The following ZNF536 variants were observed in gnomAD, a reference collection of about 807,000 sequenced individuals.
ZNF536 encodes the protein zinc finger protein 536.
Under a neutral mutation model 84.5 loss-of-function variants are expected in ZNF536, and 13 were observed. The observed-to-expected ratio is 0.15, with a 90% CI of 0.10 to 0.24. The LOEUF is 0.24. Ranked by LOEUF, ZNF536 falls within the 10% of genes least tolerant of loss-of-function variation. The probability of loss-of-function intolerance (pLI) is 1.00; values close to 1 mark genes in which losing one functional copy is unlikely to be tolerated. For missense variants in ZNF536, 1,536 were observed against 1,747.5 expected, an observed-to-expected ratio of 0.88 and a Z score of 2.16; for synonymous variants, 811 against 742.5, an observed-to-expected ratio of 1.09 and a Z score of -1.50.
At chr19:30,431,077 G>A (rs1194757597) in intron 1 of ZNF536, among the ~76,000 whole-genome samples, 5 of 152,152 alleles carry the variant, frequency 3.3e-5, no homozygotes, top group Non-Finnish European at 7.3e-5. Context: ...TCCTGATCAC[G>A]GTTCGAAATT....
intron 1 of ZNF536, among the ~76,000 whole-genome samples, chr19:30,417,887 A>G: frequency 6.6e-6 from 1 of 152,052 alleles, no homozygotes; most frequent in East Asian, 1.9e-4. Context: ...AGCCTCCCAA[A>G]TAGGTGACAT....
chr19:30,465,633 G>C (rs2053352057), intron 2 of ZNF536, among the ~76,000 whole-genome samples: 1 of 152,188 alleles, frequency 6.6e-6, no homozygotes, highest in African/African-American at 2.4e-5. Context: ...GCTTAGGCCT[G>C]GAATCCTGGT....
intron 1 of ZNF536, among the ~76,000 whole-genome samples, chr19:30,263,894 A>G (rs1239171172): frequency 6.6e-6 from 1 of 152,080 alleles, no homozygotes; most frequent in African/African-American, 2.4e-5. Flanking sequence ...ACACACACAC[A>G]CACACACACC....
chr19:30,602,104 CA>C, intron 1 of ZNF536, among the ~76,000 whole-genome samples: 1 of 152,272 alleles, frequency 6.6e-6, no homozygotes, highest in Non-Finnish European at 1.5e-5. Context: ...GCAGTGGTAT[CA>C]AAAAACGAAT....
chr19:30,621,916 C>G (rs1600058238), intron 1 of ZNF536, among the ~76,000 whole-genome samples: 1 of 152,334 alleles, frequency 6.6e-6, no homozygotes, highest in South Asian at 2.1e-4. Flanking sequence ...TAAACGAAAA[C>G]AGTTTGAAAT....
intron 2 of ZNF536, among the ~76,000 whole-genome samples, chr19:30,284,581 G>A (rs913224532): frequency 1.3e-5 from 2 of 152,234 alleles, no homozygotes; most frequent in African/African-American, 4.8e-5. Context: ...AAGCTGCTCC[G>A]TGTTTGTCAC....
rs553575444 is a variant in ZNF536, at chr19:30,351,260, G to A, written c.-119-1108G>A. ...CATCTATAAGAAGGGGAATGCAGATGACAGCAAAATACTAGTGACAGTGAC... is the reference window on the plus strand; with the variant it reads ...CATCTATAAGAAGGGGAATGCAGATAACAGCAAAATACTAGTGACAGTGAC... On this transcript the variant is annotated intron_variant, in intron 2 of 5. Coordinates refer to the ZNF536 transcript ENST00000585628. Among the ~76,000 whole-genome samples, 5 of 152,356 alleles carry A rather than the reference G, an allele frequency of 3.3e-5. No homozygotes were observed. In the South Asian group the frequency reaches 1.0e-3, roughly 32 times the overall value.
chr19:30,510,607 A>C lies in ZNF536; in HGVS notation c.2171-24240A>C, dbSNP rs74846138. ...GCGGGGATCGCTGCTTCCCTCCTTC[A>C]TGATGGGTCAGTGCTCCTCGATGTA... On this transcript the variant is annotated intron_variant, in intron 2 of 4. Coordinates refer to ENST00000355537, the MANE Select transcript of ZNF536 (RefSeq NM_014717.3). 2.7e-3 allele frequency among the ~76,000 whole-genome samples: 415 copies of C among 152,308 alleles called. 1 individual carries two copies. Among genetic ancestry groups the C allele is most frequent in the African/African-American group, 9.2e-3 (384 of 41,558 alleles).
intron 2 of ZNF536, among the ~76,000 whole-genome samples, chr19:30,519,313 C>G (rs924573513): frequency 6.6e-6 from 1 of 152,212 alleles, no homozygotes; most frequent in African/African-American, 2.4e-5. Flanking sequence ...CAGGTGTGGA[C>G]AGGGAAGGGC....
chr19:30,644,363 C>A (rs534773034), intron 1 of ZNF536, among the ~76,000 whole-genome samples: 11 of 151,750 alleles, frequency 7.2e-5, no homozygotes, highest in African/African-American at 2.7e-4. Context: ...GTGGACATTT[C>A]TTTCTTTTTT....
intron 1 of ZNF536, among the ~76,000 whole-genome samples, chr19:30,259,622 A>C (rs937940326): frequency 6.6e-6 from 1 of 152,178 alleles, no homozygotes; most frequent in South Asian, 2.1e-4. Flanking sequence ...CCCAATCCCC[A>C]TGTTCCAGAA....
intron 2 of ZNF536, among the ~76,000 whole-genome samples, chr19:30,291,482 T>C (rs745570521): frequency 1.4e-4 from 21 of 152,380 alleles, no homozygotes; most frequent in Admixed American, 9.1e-4. Flanking sequence ...TGTATAAATG[T>C]CTTCTTTTGA....
chr19:30,392,674 CCAAA>C (rs1345071967), intron 1 of ZNF536, among the ~76,000 whole-genome samples: 14 of 152,154 alleles, frequency 9.2e-5, no homozygotes, highest in East Asian at 3.9e-4. Flanking sequence ...AATTAAGCTC[CCAAA>C]CAAAGAGTTA....
chr19:30,415,450 T>C (rs1447691471), intron 1 of ZNF536, among the ~76,000 whole-genome samples: 1 of 151,202 alleles, frequency 6.6e-6, no homozygotes, highest in African/African-American at 2.4e-5. Context: ...TTCTGGAGGT[T>C]GGAGGTCTCT....
chr19:30,572,213 A>G (rs1184462134), intron 1 of ZNF536, among the ~76,000 whole-genome samples: 2 of 152,190 alleles, frequency 1.3e-5, no homozygotes, highest in East Asian at 3.9e-4. Flanking sequence ...CTGGAAAAGG[A>G]ACTCTCCCTA....
At chr19:30,705,129 T>C (rs1448267987) in intron 1 of ZNF536, among the ~76,000 whole-genome samples, 1 of 152,184 alleles carries the variant, frequency 6.6e-6, no homozygotes, top group African/African-American at 2.4e-5. Context: ...GAATAAATGT[T>C]CTCATCATCA....
chr19:30,421,415 TCTCA>T (rs2050951900), intron 1 of ZNF536, among the ~76,000 whole-genome samples: 1 of 152,056 alleles, frequency 6.6e-6, no homozygotes, highest in East Asian at 1.9e-4. Context: ...AGAGACAGGG[TCTCA>T]CTCTGTCACT....
intron 2 of ZNF536, among the ~76,000 whole-genome samples, chr19:30,338,964 C>G (rs1022731986): frequency 2.6e-5 from 4 of 152,150 alleles, no homozygotes; most frequent in Non-Finnish European, 4.4e-5. Flanking sequence ...GCAGCACCTG[C>G]CAGCCCAGGT....
intron 2 of ZNF536, among the ~76,000 whole-genome samples, chr19:30,301,070 C>T (rs986121966): frequency 2.6e-5 from 4 of 152,100 alleles, no homozygotes; most frequent in African/African-American, 7.2e-5. Flanking sequence ...GGTTCTGGGA[C>T]GCCCCATCAG....
Sources: allele counts gnomAD v4.1 joint callset (sites outside exome capture counted in the v4.1 genomes callset), GRCh38; gene constraint gnomAD v4.1.1; transcripts MANE v1.5; gene names NCBI Gene and HGNC (gene_info 2026-07-23, HGNC 2026-07-21).